The following UBE2E2 variants were observed in gnomAD, a reference collection of about 807,000 sequenced individuals.
UBE2E2 encodes the protein ubiquitin-conjugating enzyme E2 E2.
UBE2E2 carries 6 observed loss-of-function variants against 24.7 expected under a neutral mutation model. The observed-to-expected ratio is 0.24, with a 90% CI of 0.13 to 0.48. The LOEUF (loss-of-function observed/expected upper bound fraction) is 0.48, where lower values mean the gene tolerates loss of function less well. Ranked by LOEUF, UBE2E2 falls within the 20% of genes least tolerant of loss-of-function variation. The pLI is 0.99. For synonymous variants in UBE2E2, 104 were observed against 83.6 expected (o/e 1.24, Z -1.33); for missense variants, 169 against 245.0 (o/e 0.69, Z 2.07).
chr3:23,397,964 G>A (rs575515797), intron 3 of UBE2E2, among the ~76,000 whole-genome samples: 1 of 151,836 alleles, frequency 6.6e-6, no homozygotes, highest in African/African-American at 2.4e-5. Flanking sequence ...TTTCTCCTCG[G>A]TCTGTTATAT....
At chr3:23,519,228 G>C (rs1388036276) in intron 4 of UBE2E2, among the ~76,000 whole-genome samples, 1 of 150,202 alleles carries the variant, frequency 6.7e-6, no homozygotes, top group Non-Finnish European at 1.5e-5. Flanking sequence ...AGAAAATTAA[G>C]TGCACTTCTA....
chr3:23,451,699 T>C (rs1409864986), intron 3 of UBE2E2, among the ~76,000 whole-genome samples: 2 of 152,260 alleles, frequency 1.3e-5, no homozygotes, highest in African/African-American at 4.8e-5. Context: ...GCTTTATTTC[T>C]ATTTCAGTAA....
At chr3:23,346,299 C>T (rs1040023473) in intron 3 of UBE2E2, among the ~76,000 whole-genome samples, 47 of 152,226 alleles carry the variant, frequency 3.1e-4, no homozygotes, top group Middle Eastern at 6.8e-3. Context: ...TTAGTTGAAT[C>T]GTTAATATCC....
intron 5 of UBE2E2, among the ~76,000 whole-genome samples, chr3:23,584,608 CA>C (rs1696567989): frequency 6.6e-6 from 1 of 151,274 alleles, no homozygotes; most frequent in Non-Finnish European, 1.5e-5. Flanking sequence ...AGCTGGAGTA[CA>C]GTGGCGCAAT....
At chr3:23,326,901 C>A (rs1694905789) in intron 3 of UBE2E2, among the ~76,000 whole-genome samples, 1 of 151,782 alleles carries the variant, frequency 6.6e-6, no homozygotes, top group Admixed American at 6.6e-5. Flanking sequence ...TCAATTCCTA[C>A]CTATGAGTGA....
At chr3:23,306,008 G>A (rs1015084916) in intron 3 of UBE2E2, among the ~76,000 whole-genome samples, 1 of 151,968 alleles carries the variant, frequency 6.6e-6, no homozygotes, top group Non-Finnish European at 1.5e-5. Flanking sequence ...TTTGTTCAAG[G>A]GCTGACATGA....
At chr3:23,406,142 T>C (rs1293101310) in intron 3 of UBE2E2, among the ~76,000 whole-genome samples, 2 of 152,260 alleles carry the variant, frequency 1.3e-5, no homozygotes, top group Admixed American at 6.5e-5. Context: ...CGCAGAATTA[T>C]AAAGTAAAAG....
intron 3 of UBE2E2, among the ~76,000 whole-genome samples, chr3:23,327,574 A>G (rs1377477765): frequency 6.6e-6 from 1 of 152,162 alleles, no homozygotes; most frequent in East Asian, 1.9e-4. Flanking sequence ...AAGATTATTT[A>G]TTGTTCTTAT....
At chr3:23,247,363 T>C (rs1211768116) in intron 3 of UBE2E2, among the ~76,000 whole-genome samples, 1 of 151,576 alleles carries the variant, frequency 6.6e-6, no homozygotes, top group Non-Finnish European at 1.5e-5. Context: ...GTGTATTTTT[T>C]TTTTTTTTTT....
At chr3:23,310,583 A>C (rs1694348333) in intron 3 of UBE2E2, among the ~76,000 whole-genome samples, 1 of 152,154 alleles carries the variant, frequency 6.6e-6, no homozygotes, top group South Asian at 2.1e-4. Context: ...TGAAGGATTC[A>C]AGTTAAAGGA....
intron 4 of UBE2E2, among the ~76,000 whole-genome samples, chr3:23,523,610 A>C: frequency 1.6e-5 from 1 of 63,406 alleles, no homozygotes; most frequent in South Asian, 6.4e-4. Flanking sequence ...TAATATTCCT[A>C]TGGGGTGGGG....
chr3:23,337,423 A>G (rs1171692917), intron 3 of UBE2E2, among the ~76,000 whole-genome samples: 1 of 152,144 alleles, frequency 6.6e-6, no homozygotes, highest in Non-Finnish European at 1.5e-5. Context: ...ACAGTGTGCA[A>G]TACAAAGTCC....
At chr3:23,562,040 C>T (rs539691147) in intron 5 of UBE2E2, among the ~76,000 whole-genome samples, 2 of 152,268 alleles carry the variant, frequency 1.3e-5, no homozygotes, top group Admixed American at 1.3e-4. Flanking sequence ...TTCCTCTTTT[C>T]CTAATTGAAT....
intron 3 of UBE2E2, among the ~76,000 whole-genome samples, chr3:23,360,371 C>T (rs1362869437): frequency 1.3e-5 from 2 of 152,138 alleles, no homozygotes; most frequent in East Asian, 3.9e-4. Flanking sequence ...AATTTTACTT[C>T]TGCTGTGTGC....
intron 5 of UBE2E2, among the ~76,000 whole-genome samples, chr3:23,575,032 G>A (rs1269376915): frequency 6.6e-6 from 1 of 152,194 alleles, no homozygotes. Context: ...TACTCAGCCT[G>A]TATTAGCACT....
chr3:23,211,298 A>C (rs1050116359), intron 2 of UBE2E2, among the ~76,000 whole-genome samples: 1 of 152,156 alleles, frequency 6.6e-6, no homozygotes, highest in Non-Finnish European at 1.5e-5. Flanking sequence ...GCCTTTCCCA[A>C]ATAGTGTCAT....
intron 3 of UBE2E2, among the ~76,000 whole-genome samples, chr3:23,406,404 A>G (rs910575200): frequency 2.0e-5 from 3 of 152,168 alleles, no homozygotes; most frequent in Non-Finnish European, 4.4e-5. Context: ...CCAAACCTCC[A>G]TTTGCCAGTC....
At chr3:23,241,535 A>C (rs1311465454) in intron 3 of UBE2E2, among the ~76,000 whole-genome samples, 2 of 150,568 alleles carry the variant, frequency 1.3e-5, no homozygotes, top group African/African-American at 2.4e-5. Flanking sequence ...CTGTCCCTCA[A>C]ATGTGCCAGA....
At chr3:23,426,417 CAAA>C (rs34164749) in intron 3 of UBE2E2, among the ~76,000 whole-genome samples, 162 of 120,074 alleles carry the variant, frequency 1.3e-3, no homozygotes, top group African/African-American at 1.5e-3. Flanking sequence ...AGGATAAATG[CAAA>C]AAAAAAAAAA....
Sources: gnomAD v4.1 joint callset for allele counts (sites outside exome capture counted in the v4.1 genomes callset) on GRCh38, gnomAD v4.1.1 for gene constraint, MANE v1.5 for transcripts, NCBI Gene and HGNC (gene_info 2026-07-23, HGNC 2026-07-21) for gene names.